Variants in CAPN15 observed in about 807,000 individuals in gnomAD.
CAPN15 encodes the protein calpain-15.
A neutral mutation model predicts 97.9 loss-of-function variants in CAPN15; 53 were observed. The observed-to-expected ratio is 0.54, with a 90% CI of 0.43 to 0.68. The LOEUF (loss-of-function observed/expected upper bound fraction) is 0.68. CAPN15 is among the 30% of genes least tolerant of loss of function. The pLI is 0.00. For missense variants in CAPN15, 1,592 were observed against 1,589.8 expected, an observed-to-expected ratio of 1.00 and a Z score of -0.02; for synonymous variants, 922 against 722.5, an observed-to-expected ratio of 1.28 and a Z score of -4.43.
rs746114982 is a variant in CAPN15, at chr16:547,012, C to A, written c.174C>A (p.Phe58Leu). ...WPCARCTFRN[F>L]LGKEACEVCG... is the part of the protein sequence containing the mutation. ...GCGCCCGCTGCACCTTCCGCAACTT[C>A]CTGGGCAAGGAGGCCTGCGAGGTGT... is the stretch of plus-strand genomic sequence containing the variant. Residue 58 changes from phenylalanine (F) to leucine (L), a missense_variant, in exon 4 of 14, where the codon TTC becomes TTA. Physicochemically the swap from Phe to Leu is conservative, Grantham distance 22. Transcript: ENST00000219611. 3.1e-6 allele frequency: 5 copies of A among 1,610,308 alleles called. No homozygotes were observed. The highest frequency in any genetic ancestry group is 4.2e-6 in the Non-Finnish European group (5 of 1,179,848).
In CAPN15 at chr16:549,702, G is replaced by A. The variant is rs773578611; in HGVS notation, c.1930G>A (p.Ala644Thr). ...GSYFALQAGR[A>T]IEGLATLTGA... ...CTACTTTGCGCTCCAGGCGGGCCGC[G>A]CCATCGAAGGCCTGGCCACGCTCAC... Residue 644 changes from alanine (A) to threonine (T), a missense_variant, in exon 7 of 14, where the codon GCC becomes ACC. Physicochemically the swap from Ala to Thr is moderately conservative, Grantham distance 58 (BLOSUM62 0). This residue lies in a region of CAPN15 where 644 missense variants were observed against 699.6 expected (regional missense o/e 0.92). Coordinates refer to ENST00000219611, the MANE Select transcript of CAPN15 (RefSeq NM_005632.3). 6.4e-6 allele frequency: 10 copies of A among 1,564,776 alleles called. No individual in the cohort carries two copies. The highest frequency in any genetic ancestry group is 2.4e-5 in the East Asian group (1 of 41,724).
At chr16:551,917 G>C (rs1027158242) in intron 9 of CAPN15, 134 bp from the exon 10 acceptor site, 19 of 1,103,830 alleles carry the variant, frequency 1.7e-5, no homozygotes, top group Non-Finnish European at 2.5e-5. Context: ...GGCCCCCGGG[G>C]GCCGGGCTGC....
At chr16:530,055 C>T (rs905515635) in intron 1 of CAPN15, among the ~76,000 whole-genome samples, 1 of 152,246 alleles carries the variant, frequency 6.6e-6, no homozygotes, top group Non-Finnish European at 1.5e-5. Context: ...CCGCATCCCT[C>T]GTACCCACTC....
chr16:533,188 C>T (rs1478398156), intron 1 of CAPN15, among the ~76,000 whole-genome samples: 7 of 151,648 alleles, frequency 4.6e-5, no homozygotes, highest in African/African-American at 1.2e-4. Flanking sequence ...ACCACTGCAC[C>T]CCAGCCTGGG....
At chr16:531,127 C>T (rs777167202) in intron 1 of CAPN15, among the ~76,000 whole-genome samples, 7 of 152,278 alleles carry the variant, frequency 4.6e-5, no homozygotes, top group Non-Finnish European at 7.3e-5. Flanking sequence ...GAGCTTGCTC[C>T]GCTAATGAGG....
chr16:553,194 T>C (rs2142088512), intron 13 of CAPN15, 145 bp from the exon 14 acceptor site: 1 of 212,816 alleles, frequency 4.7e-6, no homozygotes, highest in Non-Finnish European at 8.8e-6. Context: ...CCCCCACCCC[T>C]GCAGAGGTGT....
At position 553,738 on chromosome 16, in the gene CAPN15, T is replaced by G; in HGVS notation, c.*222T>G. 16 of 401,122 alleles carry G rather than the reference T, an allele frequency of 4.0e-5. No individual in the cohort carries two copies. Among genetic ancestry groups the G allele is most frequent in the Admixed American group, 8.3e-5 (2 of 24,188 alleles). The allele number at this position is 401,122 out of a possible 1,614,324, so 24.8% of individuals were successfully genotyped here. ...CAGGCCTCCTGGCCGCCACGCAGAA[T>G]ACCTCGAACCAGGCGGGCTGTGAAC... On this transcript the variant is annotated 3_prime_UTR_variant, in exon 14 of 14. Coordinates refer to ENST00000219611, the MANE Select transcript of CAPN15 (RefSeq NM_005632.3).
chr16:542,688 A>G (rs942767653), intron 3 of CAPN15, among the ~76,000 whole-genome samples: 2 of 152,158 alleles, frequency 1.3e-5, no homozygotes, highest in African/African-American at 4.8e-5. Flanking sequence ...CCTGGGTTCA[A>G]GAGAACCTCC....
chr16:544,577 G>A (rs756188333), intron 3 of CAPN15, among the ~76,000 whole-genome samples: 19 of 152,116 alleles, frequency 1.2e-4, no homozygotes, highest in Non-Finnish European at 2.5e-4. Context: ...TTGGAGCTGA[G>A]TGTCGGCAAC....
intron 3 of CAPN15, chr16:538,307 A>C (rs1469740013): frequency 2.8e-5 from 1 of 35,658 alleles, no homozygotes; most frequent in African/African-American, 2.7e-4. Context: ...TTTTTTTTTG[A>C]TTTTTTTCCA....
chr16:539,944 G>A lies in CAPN15; in HGVS notation c.-23+3802G>A, dbSNP rs150190173. On this transcript the variant is annotated intron_variant, in intron 3 of 13. Coordinates refer to ENST00000219611, the MANE Select transcript of CAPN15 (RefSeq NM_005632.3). ...GCCCTGTGGGTGCCGAAGTCGGGCC[G>A]CAGGCCCTGCACTGAGATGTCCCCT... 1.1e-4 allele frequency: 45 copies of A among 406,088 alleles called. No individual in the cohort carries two copies. The South Asian group carries it at 1.3e-3, about 12-fold the overall frequency. 25.2% of individuals were successfully genotyped at this position (406,088 alleles called of 1,614,324 possible).
intron 5 of CAPN15, 30 bp downstream of exon 5, chr16:549,231 C>CGG: frequency 1.6e-5 from 1 of 62,836 alleles, no homozygotes; most frequent in Non-Finnish European, 2.2e-5. Flanking sequence ...CGGGGTGGGG[C>CGG]GGGTGGGCGG....
intron 2 of CAPN15, among the ~76,000 whole-genome samples, chr16:534,221 G>T (rs961813658): frequency 6.6e-6 from 1 of 152,250 alleles, no homozygotes; most frequent in African/African-American, 2.4e-5. Flanking sequence ...AGGGCGGCCC[G>T]GGGTCCCGAC....
At chr16:548,609 C>T (rs567737432) in intron 4 of CAPN15, among the ~76,000 whole-genome samples, 34 of 152,348 alleles carry the variant, frequency 2.2e-4, no homozygotes, top group African/African-American at 7.9e-4. Flanking sequence ...GTGGAGACCC[C>T]GCTGAAGTGC....
intron 1 of CAPN15, among the ~76,000 whole-genome samples, chr16:530,459 C>T (rs1181709498): frequency 6.6e-6 from 1 of 152,240 alleles, no homozygotes; most frequent in Non-Finnish European, 1.5e-5. Context: ...GTGGCGTGGA[C>T]ACGGCCACAC....
At position 552,913 on chromosome 16, in the gene CAPN15, C is replaced by T. The variant is rs533262452; in HGVS notation, c.2955C>T (p.Leu985=). 34 of 1,611,288 alleles carry T rather than the reference C, an allele frequency of 2.1e-5. No individual in the cohort carries two copies. Among genetic ancestry groups the T allele is most frequent in the African/African-American group, 1.2e-4 (9 of 74,838 alleles). The change falls in exon 13 of 14, where the codon CTC becomes CTT. Residue 985 remains leucine, a synonymous_variant. Transcript: ENST00000219611. This position sits in a 1 kb window ranked among gnomAD's most constrained non-coding sequence, Gnocchi z 6.4. ...CYYLTHGWAG[L]IVVVENRHPK... ...ACCTGACACACGGTTGGGCGGGGCT[C>T]ATCGTGGTGGTGGAGAACCGACACC...
intron 1 of CAPN15, among the ~76,000 whole-genome samples, chr16:531,175 A>C (rs935516552): frequency 2.0e-5 from 3 of 152,206 alleles, no homozygotes; most frequent in African/African-American, 7.2e-5. Context: ...CTTCTCTTCA[A>C]AAAGTTGCCC....
intron 2 of CAPN15, among the ~76,000 whole-genome samples, chr16:534,300 C>G (rs1357847498): frequency 1.3e-5 from 1 of 77,696 alleles, no homozygotes; most frequent in Non-Finnish European, 2.2e-5. Context: ...GCTCCCCATC[C>G]CCACGGCAGC....
Position 547,758 on chromosome 16 carries a change from C to T in CAPN15, c.920C>T (p.Thr307Ile), listed in dbSNP as rs1458880986. The T allele has an allele frequency of 1.2e-6, 2 of 1,608,956 alleles. No individual in the cohort carries two copies. The highest frequency in any genetic ancestry group is 2.2e-5 in the South Asian group (2 of 90,792). ...VLEEEATEGG[T>I]SRVEAGSSTS... ...GAGGAAGAGGCCACGGAGGGTGGCA[C>T]CAGCCGCGTAGAGGCCGGCAGCTCC... The change falls in exon 4 of 14, where the codon ACC (threonine) becomes ATC (isoleucine). Residue 307 changes from threonine to isoleucine, a missense_variant. Physicochemically the swap from Thr to Ile is moderately conservative, Grantham distance 89. Coordinates refer to ENST00000219611, the MANE Select transcript of CAPN15 (RefSeq NM_005632.3).
Sources: gnomAD v4.1 joint callset for allele counts (sites outside exome capture counted in the v4.1 genomes callset) on GRCh38, gnomAD v4.1.1 for gene constraint, gnomAD v4.1.1 regional missense constraint, Gnocchi (gnomAD v3.1) non-coding constraint, MANE v1.5 for transcripts, NCBI Gene and HGNC (gene_info 2026-07-23, HGNC 2026-07-21) for gene names.